ZNF644: variants seen among roughly 807,000 people sequenced by gnomAD.
ZNF644 encodes zinc finger protein 644.
In ZNF644, 20 loss-of-function variants were observed where a neutral mutation model predicts 108.0. The ratio of observed to expected loss-of-function variants is 0.19; its 90% confidence interval spans 0.13 to 0.27. The LOEUF (loss-of-function observed/expected upper bound fraction) is 0.27, where lower values mean the gene tolerates loss of function less well. Ranked by LOEUF, ZNF644 falls within the 10% of genes least tolerant of loss-of-function variation. ZNF644 has a pLI of 1.00. For synonymous variants in ZNF644, 542 were observed against 539.1 expected (o/e 1.01, Z -0.08); for missense variants, 1,338 against 1,548.9 (o/e 0.86, Z 2.29).
At chr1:90,917,078 C>T in intron 5 of ZNF644, 88 bp from the exon 6 acceptor site, 1 of 1,357,188 alleles carries the variant, frequency 7.4e-7, no homozygotes, top group Non-Finnish European at 1.0e-6. Context: ...AAGGAATAAA[C>T]TTTATCATAT....
intron 2 of ZNF644, among the ~76,000 whole-genome samples, chr1:90,963,094 A>G (rs1299157609): frequency 6.6e-6 from 1 of 152,166 alleles, no homozygotes; most frequent in Non-Finnish European, 1.5e-5. Context: ...TCCTAAAAAC[A>G]AAAGGAAAAG....
In ZNF644 at chr1:90,928,214, G is replaced by A. The variant is rs187016399; in HGVS notation, c.3688+9271C>T. Among the ~76,000 whole-genome samples the A allele has an allele frequency of 5.1e-3, 752 of 147,848 alleles. 6 individuals are homozygous for A. The highest frequency in any genetic ancestry group is 6.2e-3 in the Non-Finnish European group (414 of 67,184). ...GTCGCCCAGGCTGGAGTGCAGTGGC[G>A]CAATCTTGGCTCACTGCAACCTGCA... On this transcript the variant is annotated intron_variant, in intron 4 of 5. Transcript: ENST00000337393.
intron 2 of ZNF644, among the ~76,000 whole-genome samples, chr1:90,977,832 A>G (rs1335916929): frequency 6.6e-6 from 1 of 152,210 alleles, no homozygotes. Context: ...CCTAAATATT[A>G]ATAAGGTAAC....
intron 2 of ZNF644, among the ~76,000 whole-genome samples, chr1:90,977,791 C>T (rs1237918744): frequency 1.3e-5 from 2 of 152,014 alleles, no homozygotes; most frequent in African/African-American, 4.8e-5. Flanking sequence ...TGCAGCAGTA[C>T]TTATATACAG....
chr1:90,963,563 C>T (rs358698), intron 2 of ZNF644, among the ~76,000 whole-genome samples: 109,686 of 151,882 alleles, frequency 0.72, 40,072 homozygotes, highest in Middle Eastern at 0.79. Flanking sequence ...TCAGCCCAAA[C>T]CTCCTACAGT....
At position 90,941,030 on chromosome 1, in the gene ZNF644, A is replaced by G. The variant is rs1440580978; in HGVS notation, c.324T>C (p.Phe108=). The change falls in exon 3 of 6, where the codon TTT becomes TTC. Residue 108 remains phenylalanine (F), a synonymous_variant. Coordinates refer to ENST00000337393, the MANE Select transcript of ZNF644 (RefSeq NM_201269.3). ...AGAPTVSSEN[F]ILPKGAAVNG... The stretch of plus-strand genomic sequence containing the variant: ...TAACAGCAGCTCCTTTAGGCAAGAT[A>G]AAGTTTTCACTAGAAACAGTAGGAG... 3 of 1,614,160 alleles carry G rather than the reference A, an allele frequency of 1.9e-6. No homozygotes were observed. The highest frequency in any genetic ancestry group is 8.5e-7 in the Non-Finnish European group (1 of 1,179,984).
At chr1:91,003,424 T>C (rs1048973335) in intron 1 of ZNF644, among the ~76,000 whole-genome samples, 2 of 151,384 alleles carry the variant, frequency 1.3e-5, no homozygotes, top group African/African-American at 4.9e-5. Context: ...AGCAAACTAT[T>C]GCAAGGACAA....
intron 4 of ZNF644, among the ~76,000 whole-genome samples, chr1:90,925,831 C>G (rs150582879): frequency 6.6e-6 from 1 of 152,174 alleles, no homozygotes; most frequent in Non-Finnish European, 1.5e-5. Context: ...ACTGATTCAA[C>G]AAGTGTGGTT....
chr1:90,990,654 G>T (rs577375143), intron 1 of ZNF644, among the ~76,000 whole-genome samples: 1 of 152,222 alleles, frequency 6.6e-6, no homozygotes, highest in East Asian at 1.9e-4. Flanking sequence ...CACAAAGAAC[G>T]CCCTCAAGTA....
chr1:90,986,326 A>C (rs1657091971), intron 1 of ZNF644, among the ~76,000 whole-genome samples: 1 of 148,430 alleles, frequency 6.7e-6, no homozygotes, highest in South Asian at 2.1e-4. Flanking sequence ...AAAAAACAAA[A>C]AACAAAAAAA....
intron 1 of ZNF644, among the ~76,000 whole-genome samples, chr1:90,994,879 T>C (rs79190394): frequency 0.12 from 18,436 of 152,074 alleles, 1,145 homozygotes; most frequent in South Asian, 0.16. Flanking sequence ...AATGGAAAGC[T>C]AGAAGAAAAC....
At chr1:91,002,124 A>T (rs974807924) in intron 1 of ZNF644, among the ~76,000 whole-genome samples, 11 of 152,222 alleles carry the variant, frequency 7.2e-5, no homozygotes, top group African/African-American at 2.7e-4. Flanking sequence ...TATAGATTCA[A>T]TGCCATCCCC....
intron 2 of ZNF644, among the ~76,000 whole-genome samples, chr1:90,980,868 T>A (rs768099518): frequency 1.9e-4 from 29 of 152,266 alleles, no homozygotes; most frequent in Admixed American, 2.0e-4. Flanking sequence ...ATGTTCTATA[T>A]CTTGATCTAG....
At chr1:90,984,029 C>T (rs957692269) in intron 1 of ZNF644, among the ~76,000 whole-genome samples, 1 of 152,170 alleles carries the variant, frequency 6.6e-6, no homozygotes, top group Non-Finnish European at 1.5e-5. Context: ...CAGCACCCAC[C>T]AGTATCAGGG....
At chr1:91,005,758 G>A (rs78703792) in intron 1 of ZNF644, among the ~76,000 whole-genome samples, 1,922 of 151,890 alleles carry the variant, frequency 0.013, 37 homozygotes, top group African/African-American at 0.044. Flanking sequence ...TAAAACTTAT[G>A]GGATGAAGTA....
chr1:90,938,081 T>C lies in ZNF644; in HGVS notation c.3092A>G (p.Lys1031Arg). ...PVKRVRKAIE[K>R]SETTSEHTCQ... ...AGTGTGTTCAGAAGTGGTTTCAGAC[T>C]TCTCTATAGCTAGAAAAAAATTTTT... The change falls in exon 4 of 6, where the codon AAG becomes AGG. Residue 1031 changes from lysine to arginine, a missense_variant. Coordinates refer to ENST00000337393, the MANE Select transcript of ZNF644 (RefSeq NM_201269.3). The surrounding 1 kb of genome is among the most constrained non-coding windows in gnomAD (Gnocchi z 4.2). 1.2e-6 allele frequency: 2 copies of C among 1,611,050 alleles called. No homozygotes were observed. Among genetic ancestry groups the C allele is most frequent in the African/African-American group, 1.3e-5 (1 of 74,996 alleles).
Position 90,929,613 on chromosome 1 carries a change from A to C in ZNF644, c.3688+7872T>G, listed in dbSNP as rs1650485638. 2.0e-5 allele frequency among the ~76,000 whole-genome samples: 3 copies of C among 152,354 alleles called. No homozygotes were observed. In the South Asian group the frequency reaches 6.2e-4, roughly 32 times the overall value. On this transcript the variant is annotated intron_variant, in intron 4 of 5. Coordinates refer to ENST00000337393, the MANE Select transcript of ZNF644 (RefSeq NM_201269.3). ...CATGAATGAACAAATAATTTAATGC[A>C]CATTGGGAAGCTTTCACAATACTAT... is the stretch of plus-strand genomic sequence containing the variant.
chr1:90,948,189 T>C (rs998659366), intron 2 of ZNF644, among the ~76,000 whole-genome samples: 2 of 152,204 alleles, frequency 1.3e-5, no homozygotes, highest in South Asian at 2.1e-4. Flanking sequence ...TTTTAGAGCA[T>C]AGAATCAGCA....
intron 1 of ZNF644, among the ~76,000 whole-genome samples, chr1:91,000,829 A>G (rs532268903): frequency 7.2e-5 from 11 of 152,226 alleles, no homozygotes; most frequent in South Asian, 6.2e-4. Flanking sequence ...TCAAATAGAC[A>G]CAATAAAAAA....
Sources: gnomAD v4.1 joint callset for allele counts (sites outside exome capture counted in the v4.1 genomes callset) on GRCh38, gnomAD v4.1.1 for gene constraint, Gnocchi (gnomAD v3.1) non-coding constraint, MANE v1.5 for transcripts, NCBI Gene and HGNC (gene_info 2026-07-23, HGNC 2026-07-21) for gene names.